ATP2B2: variants seen among roughly 807,000 people sequenced by gnomAD.
ATP2B2 encodes ATPase plasma membrane Ca2+ transporting 2, also known as plasma membrane calcium-transporting ATPase 2.
ATP2B2 carries 15 observed loss-of-function variants against 120.0 expected under a neutral mutation model. That is an observed-to-expected ratio of 0.12 (90% CI 0.08 to 0.19). The LOEUF is 0.19. ATP2B2 is among the 10% of genes least tolerant of loss of function. The probability of loss-of-function intolerance (pLI) is 1.00; values close to 1 mark genes in which losing one functional copy is unlikely to be tolerated. For synonymous variants in ATP2B2, 694 were observed against 700.3 expected (o/e 0.99, Z 0.14); for missense variants, 1,045 against 1,719.8 (o/e 0.61, Z 6.94).
chr3:10,551,402 G>A (rs2067667083), intron 2 of ATP2B2, among the ~76,000 whole-genome samples: 1 of 152,228 alleles, frequency 6.6e-6, no homozygotes, highest in Non-Finnish European at 1.5e-5. Flanking sequence ...AAGCGGCCAA[G>A]CTCAACGTCT....
chr3:10,421,836 C>T lies in ATP2B2; in HGVS notation c.200-11021G>A, dbSNP rs117945895. On this transcript the variant is annotated intron_variant, in intron 2 of 22. Transcript: ENST00000360273. ...ACATCTGGCTTCGAACCCAGGATGC[C>T]CAACCCTCTGTCGACTTATTTAGTT... Among the ~76,000 whole-genome samples, 146 of 152,342 alleles carry T rather than the reference C, an allele frequency of 9.6e-4. No individual in the cohort carries two copies. The East Asian group carries it at 0.011, about 11-fold the overall frequency.
chr3:10,550,517 T>G (rs1222038723), intron 2 of ATP2B2, among the ~76,000 whole-genome samples: 1 of 152,194 alleles, frequency 6.6e-6, no homozygotes, highest in African/African-American at 2.4e-5. Flanking sequence ...TGTGATAGTT[T>G]TTTAAAAAGG....
At chr3:10,459,953 A>T (rs1050583492) in intron 1 of ATP2B2, among the ~76,000 whole-genome samples, 1 of 152,232 alleles carries the variant, frequency 6.6e-6, no homozygotes, top group Non-Finnish European at 1.5e-5. Context: ...TGTCCAGCAG[A>T]CCAACTTCTT....
intron 3 of ATP2B2, among the ~76,000 whole-genome samples, chr3:10,523,937 ATT>A (rs977496368): frequency 1.3e-5 from 2 of 152,202 alleles, no homozygotes; most frequent in African/African-American, 4.8e-5. Context: ...CTGAAAATAC[ATT>A]TGTTTGTTTT....
At chr3:10,632,965 AG>A (rs1033864450) in intron 1 of ATP2B2, among the ~76,000 whole-genome samples, 2 of 152,188 alleles carry the variant, frequency 1.3e-5, no homozygotes, top group South Asian at 2.1e-4. Context: ...ACTCAAATGG[AG>A]GGGGGCACAT....
chr3:10,598,952 C>T lies in ATP2B2; in HGVS notation c.-415+20965G>A, dbSNP rs868375862. Among the ~76,000 whole-genome samples the T allele has an allele frequency of 5.7e-4, 87 of 152,362 alleles. No homozygotes were observed. The Middle Eastern group carries it at 0.014, about 24-fold the overall frequency. On this transcript the variant is annotated intron_variant, in intron 2 of 21. Coordinates refer to the ATP2B2 transcript ENST00000646379. ...TTATTTTATCCCCTTCAGGGAAAAG[C>T]ATATCTGATAACAGGTAAGTGATCC... is the stretch of plus-strand genomic sequence containing the variant.
At chr3:10,610,862 C>T (rs919281258) in intron 2 of ATP2B2, among the ~76,000 whole-genome samples, 7 of 152,152 alleles carry the variant, frequency 4.6e-5, no homozygotes, top group Non-Finnish European at 7.3e-5. Flanking sequence ...TGGAAGACCC[C>T]TGCAGCCCTG....
intron 2 of ATP2B2, among the ~76,000 whole-genome samples, chr3:10,553,272 T>C (rs1326933285): frequency 6.6e-6 from 1 of 152,262 alleles, no homozygotes; most frequent in African/African-American, 2.4e-5. Flanking sequence ...TTTCCCGGAC[T>C]GGAAGCTCCT....
chr3:10,576,072 G>C (rs575535726), intron 2 of ATP2B2, among the ~76,000 whole-genome samples: 2 of 152,336 alleles, frequency 1.3e-5, no homozygotes, highest in East Asian at 3.9e-4. Flanking sequence ...ACATGGCGAA[G>C]CTGGGGCTTT....
At position 10,335,181 on chromosome 3, in the gene ATP2B2, G is replaced by A. The variant is rs377047072; in HGVS notation, c.3420+2995C>T. Among the ~76,000 whole-genome samples, 42 of 152,344 alleles carry A rather than the reference G, an allele frequency of 2.8e-4. No homozygotes were observed. The East Asian group carries it at 3.7e-3, about 13-fold the overall frequency. ...CCCAGGCTATCTCTCAGATAAAGGA[G>A]GGCAGGATGCTGAAGGGCATATCAG... On this transcript the variant is annotated intron_variant, in intron 22 of 22. Transcript: ENST00000360273.
Position 10,340,125 on chromosome 3 carries a change from T to C in ATP2B2, c.3237+117A>G, listed in dbSNP as rs970905201. 10 of 928,528 alleles carry C rather than the reference T, an allele frequency of 1.1e-5. No individual in the cohort carries two copies. In the African/African-American group the frequency reaches 1.1e-4, roughly 11 times the overall value. 57.5% of individuals were successfully genotyped at this position (928,528 alleles called of 1,614,324 possible). A position where few individuals can be genotyped will look rare whatever the true frequency, so the allele number is the denominator to read the frequency against. Reference sequence around the variant, plus strand: ...ACCCCCTTGCTCAGATGTCCAGAGATAGGGAGGAGCTTGCCTGGGGTCTGG... The same window carrying C: ...ACCCCCTTGCTCAGATGTCCAGAGACAGGGAGGAGCTTGCCTGGGGTCTGG... On this transcript the variant is annotated intron_variant, in intron 21 of 22. Transcript: ENST00000360273. The surrounding 1 kb of genome is among the most constrained non-coding windows in gnomAD (Gnocchi z 5.0).
At chr3:10,383,321 G>A (rs1388735925) in intron 8 of ATP2B2, among the ~76,000 whole-genome samples, 2 of 152,068 alleles carry the variant, frequency 1.3e-5, no homozygotes, top group African/African-American at 4.8e-5. Flanking sequence ...AGTCAAATCA[G>A]CCTAGGAAAC....
upstream of ATP2B2, among the ~76,000 whole-genome samples, chr3:10,509,610 G>A (rs961263107): frequency 2.0e-5 from 3 of 152,124 alleles, no homozygotes; most frequent in African/African-American, 2.4e-5. Context: ...CTCTCTCTGC[G>A]CCTGCCTAAA....
chr3:10,477,285 C>T (rs1430619611), intron 1 of ATP2B2, among the ~76,000 whole-genome samples: 1 of 152,220 alleles, frequency 6.6e-6, no homozygotes, highest in Non-Finnish European at 1.5e-5. Flanking sequence ...GGGGAAGATG[C>T]TCTTCTGCGT....
At chr3:10,680,952 C>T (rs1394188692) in intron 1 of ATP2B2, among the ~76,000 whole-genome samples, 1 of 152,148 alleles carries the variant, frequency 6.6e-6, no homozygotes, top group East Asian at 1.9e-4. Flanking sequence ...TGGTTTAGCA[C>T]CATCTACCTG....
intron 1 of ATP2B2, among the ~76,000 whole-genome samples, chr3:10,487,913 C>G (rs1431866641): frequency 6.6e-6 from 1 of 152,292 alleles, no homozygotes; most frequent in East Asian, 1.9e-4. Context: ...TTTCTTCTCT[C>G]TCTGCCTCAC....
Position 10,346,853 on chromosome 3 carries a change from C to G in ATP2B2, c.2405-716G>C, listed in dbSNP as rs1157572893. ...TTTGGGTATCAGCATCCATGGGTCTCTCATTCTGCACATTGAATGTATCAC... is the reference window on the plus strand; with the variant it reads ...TTTGGGTATCAGCATCCATGGGTCTGTCATTCTGCACATTGAATGTATCAC... On this transcript the variant is annotated intron_variant, in intron 16 of 22. Transcript: ENST00000360273. The surrounding 1 kb of genome is among the most constrained non-coding windows in gnomAD (Gnocchi z 4.1). Among the ~76,000 whole-genome samples the G allele has an allele frequency of 6.6e-6, 1 of 152,110 alleles. No individual in the cohort carries two copies. Among genetic ancestry groups the G allele is most frequent in the Non-Finnish European group, 1.5e-5 (1 of 68,030 alleles).
intron 1 of ATP2B2, among the ~76,000 whole-genome samples, chr3:10,628,995 C>A (rs1240654730): frequency 1.3e-5 from 2 of 152,156 alleles, no homozygotes; most frequent in African/African-American, 2.4e-5. Context: ...ACGTTGGGCT[C>A]CCGGCCAACG....
At chr3:10,561,950 T>G (rs1011631860) in intron 2 of ATP2B2, among the ~76,000 whole-genome samples, 7 of 152,228 alleles carry the variant, frequency 4.6e-5, no homozygotes, top group Non-Finnish European at 1.0e-4. Context: ...AGTCTGACTC[T>G]GCACTTAATA....
Sources: allele counts gnomAD v4.1 joint callset (sites outside exome capture counted in the v4.1 genomes callset), GRCh38; gene constraint gnomAD v4.1.1; non-coding constraint Gnocchi (gnomAD v3.1); transcripts MANE v1.5; gene names NCBI Gene and HGNC (gene_info 2026-07-23, HGNC 2026-07-21).